The following XIRP2 variants were observed in gnomAD, a reference collection of about 807,000 sequenced individuals.
XIRP2 encodes xin actin-binding repeat-containing protein 2.
A neutral mutation model predicts 277.0 loss-of-function variants in XIRP2; 236 were observed. The observed-to-expected ratio is 0.85, with a 90% CI of 0.77 to 0.95. The LOEUF (loss-of-function observed/expected upper bound fraction) is 0.95. Ranked by LOEUF, XIRP2 falls within the 40% of genes least tolerant of loss-of-function variation. The pLI is 0.00. For synonymous variants in XIRP2, 1,490 were observed against 1,416.5 expected (o/e 1.05, Z -1.17); for missense variants, 4,640 against 4,157.5 (o/e 1.12, Z -3.19).
In XIRP2 at chr2:167,249,257, G is replaced by A; in HGVS notation, c.7865G>A (p.Gly2622Glu). 6.2e-7 allele frequency: 1 copy of A among 1,613,782 alleles called. No individual in the cohort carries two copies. The highest frequency in any genetic ancestry group is 8.5e-7 in the Non-Finnish European group (1 of 1,179,784). Residue 2622 changes from glycine (G) to glutamate (E), a missense_variant, in exon 9 of 11, where the codon GGA (glycine) becomes GAA (glutamate). Gly to Glu is a moderately conservative substitution (Grantham distance 98). Coordinates refer to ENST00000409195, the MANE Select transcript of XIRP2 (RefSeq NM_152381.6). ...TCTCAAAGTAATGCTCGGATACTAG[G>A]AGTGTGTTCTGATAACCAACTCTCC... ...PGSQSNARIL[G>E]VCSDNQLSTT...
At chr2:166,970,818 A>G (rs1246852553) in intron 2 of XIRP2, among the ~76,000 whole-genome samples, 1 of 151,996 alleles carries the variant, frequency 6.6e-6, no homozygotes, top group African/African-American at 2.4e-5. Context: ...TCTGAAGTTG[A>G]TATTTTCAAA....
intron 2 of XIRP2, among the ~76,000 whole-genome samples, chr2:166,909,925 C>T (rs1004389098): frequency 7.9e-4 from 121 of 152,234 alleles, no homozygotes; most frequent in African/African-American, 2.7e-3. Flanking sequence ...TACTGATTTG[C>T]GTATGTTGAA....
intron 2 of XIRP2, among the ~76,000 whole-genome samples, chr2:166,971,937 T>C (rs1180918276): frequency 6.6e-6 from 1 of 151,976 alleles, no homozygotes; most frequent in Non-Finnish European, 1.5e-5. Flanking sequence ...GAAAAATACG[T>C]GAATGAATGT....
At chr2:167,051,334 GAT>G (rs1688910494) in intron 2 of XIRP2, among the ~76,000 whole-genome samples, 2 of 152,020 alleles carry the variant, frequency 1.3e-5, no homozygotes, top group Non-Finnish European at 2.9e-5. Flanking sequence ...TTTGGTAATA[GAT>G]AACACAGATT....
At chr2:167,191,759 G>C (rs1439775883) in intron 3 of XIRP2, among the ~76,000 whole-genome samples, 1 of 152,130 alleles carries the variant, frequency 6.6e-6, no homozygotes, top group Non-Finnish European at 1.5e-5. Context: ...CCTTCAAGTA[G>C]ATCTTTGTCT....
At chr2:166,972,254 T>C (rs1177047777) in intron 2 of XIRP2, among the ~76,000 whole-genome samples, 2 of 152,132 alleles carry the variant, frequency 1.3e-5, no homozygotes, top group African/African-American at 2.4e-5. Context: ...ATTTCTGCCA[T>C]CGAGAACTGT....
chr2:167,146,808 G>C (rs1155285), intron 3 of XIRP2, among the ~76,000 whole-genome samples: 51,058 of 151,754 alleles, frequency 0.34, 11,086 homozygotes, highest in African/African-American at 0.62. Context: ...GTCTATACCT[G>C]TAGACAAAAG....
chr2:167,183,275 G>A (rs1693067513), intron 3 of XIRP2, among the ~76,000 whole-genome samples: 1 of 152,206 alleles, frequency 6.6e-6, no homozygotes, highest in African/African-American at 2.4e-5. Context: ...TAGTAATGGG[G>A]TGGCACTGTT....
In XIRP2 at chr2:167,150,451, G is replaced by A. The variant is rs191467121; in HGVS notation, c.562+14389G>A. 5.5e-3 allele frequency among the ~76,000 whole-genome samples: 836 copies of A among 151,356 alleles called. 5 individuals are homozygous for A. The highest frequency in any genetic ancestry group is 7.3e-3 in the Non-Finnish European group (493 of 67,856). ...ATGAGTACAATTATCAATGATGGAG[G>A]ATATTTATGGCAGTATTGGTTTTAT... On this transcript the variant is annotated intron_variant, in intron 3 of 10. Coordinates refer to ENST00000409195, the MANE Select transcript of XIRP2 (RefSeq NM_152381.6).
At chr2:167,064,987 A>G (rs1689266833) in intron 2 of XIRP2, among the ~76,000 whole-genome samples, 1 of 151,876 alleles carries the variant, frequency 6.6e-6, no homozygotes. Flanking sequence ...TATGTTCAAG[A>G]ACTTACTTTT....
intron 2 of XIRP2, among the ~76,000 whole-genome samples, chr2:167,097,990 T>C (rs370197839): frequency 9.9e-5 from 15 of 152,208 alleles, no homozygotes; most frequent in Non-Finnish European, 1.5e-4. Flanking sequence ...ATTTTTTCCT[T>C]CATTTCAACC....
rs544260433 is a variant in XIRP2 at position 166,976,506 on chromosome 2, C to T, written c.408+72616C>T. Among the ~76,000 whole-genome samples, 10 of 152,220 alleles carry T rather than the reference C, an allele frequency of 6.6e-5. No individual in the cohort carries two copies. The East Asian group carries it at 1.9e-3, about 29-fold the overall frequency. On this transcript the variant is annotated intron_variant, in intron 2 of 10. Transcript: ENST00000409195. ...TGTTTCTAATGTTTACTGGAGTAGT[C>T]ACAAAATGCAACTTCAAATTATTTC...
chr2:166,977,837 T>C (rs1401330884), intron 2 of XIRP2, among the ~76,000 whole-genome samples: 2 of 152,202 alleles, frequency 1.3e-5, no homozygotes, highest in African/African-American at 4.8e-5. Flanking sequence ...TCAAGTAATA[T>C]ACTCAGAAAT....
At chr2:167,121,233 A>G (rs1462931667) in intron 2 of XIRP2, among the ~76,000 whole-genome samples, 1 of 152,178 alleles carries the variant, frequency 6.6e-6, no homozygotes, top group Non-Finnish European at 1.5e-5. Flanking sequence ...AAGCCATTCC[A>G]TCTAAGCATT....
At chr2:166,889,078 A>T (rs181970079) in intron 1 of XIRP2, among the ~76,000 whole-genome samples, 1 of 152,112 alleles carries the variant, frequency 6.6e-6, no homozygotes, top group South Asian at 2.1e-4. Flanking sequence ...ATTCTGAATA[A>T]GCATTCAGGC....
At chr2:166,963,938 G>C (rs1050664236) in intron 2 of XIRP2, among the ~76,000 whole-genome samples, 2 of 151,778 alleles carry the variant, frequency 1.3e-5, no homozygotes, top group African/African-American at 4.8e-5. Flanking sequence ...CAACTGTCCA[G>C]GTGAAGACAT....
intron 1 of XIRP2, among the ~76,000 whole-genome samples, chr2:166,899,782 T>A (rs1684333040): frequency 6.6e-6 from 1 of 152,116 alleles, no homozygotes; most frequent in African/African-American, 2.4e-5. Flanking sequence ...TCTTTCTTAC[T>A]GCTTTTTGGA....
intron 2 of XIRP2, among the ~76,000 whole-genome samples, chr2:167,110,429 C>T (rs1257509409): frequency 2.0e-5 from 3 of 152,066 alleles, no homozygotes; most frequent in Admixed American, 6.6e-5. Flanking sequence ...ATGGGGAATC[C>T]TTTCTTCATT....
At chr2:167,042,526 G>A (rs899457580) in intron 2 of XIRP2, among the ~76,000 whole-genome samples, 34 of 151,402 alleles carry the variant, frequency 2.2e-4, no homozygotes, top group Non-Finnish European at 4.0e-4. Context: ...TGAAACGAAC[G>A]AACAAACAAA....
Sources: allele counts gnomAD v4.1 joint callset (sites outside exome capture counted in the v4.1 genomes callset), GRCh38; gene constraint gnomAD v4.1.1; transcripts MANE v1.5; gene names NCBI Gene and HGNC (gene_info 2026-07-23, HGNC 2026-07-21).